The following ZFHX3 variants were observed in gnomAD, a reference collection of about 807,000 sequenced individuals.
ZFHX3 encodes the protein zinc finger homeobox protein 3.
Under a neutral mutation model 279.1 loss-of-function variants are expected in ZFHX3, and 42 were observed. The ratio of observed to expected loss-of-function variants is 0.15; its 90% CI spans 0.12 to 0.19. ZFHX3 has a LOEUF of 0.19. Among genes scored for constraint, ZFHX3 ranks in the 10% least tolerant of loss-of-function variants. The pLI is 1.00. For missense variants in ZFHX3, 4,981 were observed against 4,754.0 expected, an observed-to-expected ratio of 1.05 and a Z score of -1.40; for synonymous variants, 2,293 against 1,957.8, an observed-to-expected ratio of 1.17 and a Z score of -4.52.
intron 1 of ZFHX3, among the ~76,000 whole-genome samples, chr16:73,730,352 CAAAAAA>C (rs66477968): frequency 3.3e-3 from 267 of 81,154 alleles, no homozygotes; most frequent in African/African-American, 9.6e-3. Context: ...CCTCCCCTCG[CAAAAAA>C]AAAAAAAAAA....
At chr16:73,605,707 G>C (rs550605621) in intron 2 of ZFHX3, among the ~76,000 whole-genome samples, 2 of 152,108 alleles carry the variant, frequency 1.3e-5, no homozygotes, top group South Asian at 4.2e-4. Flanking sequence ...GGGGGCTGGA[G>C]AGAAAGAATG....
At chr16:72,946,592 G>GC (rs375470576) in intron 3 of ZFHX3, among the ~76,000 whole-genome samples, 96 of 152,322 alleles carry the variant, frequency 6.3e-4, no homozygotes, top group Admixed American at 9.8e-4. Flanking sequence ...CGGGTAGAAA[G>GC]CAGCACACAT....
chr16:73,748,575 A>G (rs1406058421), intron 1 of ZFHX3, among the ~76,000 whole-genome samples: 1 of 152,134 alleles, frequency 6.6e-6, no homozygotes, highest in Non-Finnish European at 1.5e-5. Flanking sequence ...TCTGTTCAGT[A>G]TATTCTTCCC....
intron 1 of ZFHX3, among the ~76,000 whole-genome samples, chr16:73,819,605 G>A (rs1367594317): frequency 6.6e-6 from 1 of 152,002 alleles, no homozygotes; most frequent in Non-Finnish European, 1.5e-5. Flanking sequence ...CACTATGAAG[G>A]GAAGGATCAA....
At chr16:73,881,554 T>C (rs2030166136) in intron 1 of ZFHX3, among the ~76,000 whole-genome samples, 2 of 143,078 alleles carry the variant, frequency 1.4e-5, no homozygotes, top group African/African-American at 2.6e-5. Flanking sequence ...AAAGTGTCTA[T>C]AGCTTCACTG....
At chr16:73,344,957 G>T (rs373444160) in intron 3 of ZFHX3, among the ~76,000 whole-genome samples, 38 of 152,290 alleles carry the variant, frequency 2.5e-4, no homozygotes, top group African/African-American at 8.7e-4. Context: ...AATCTGGGGA[G>T]CTGCAGAGAG....
intron 1 of ZFHX3, among the ~76,000 whole-genome samples, chr16:73,044,281 C>T (rs755845161): frequency 7.9e-5 from 12 of 152,166 alleles, no homozygotes; most frequent in Non-Finnish European, 1.8e-4. Context: ...AATCTGCCTT[C>T]CTGTTGTGTT....
At chr16:73,301,459 C>G (rs1337620916) in intron 4 of ZFHX3, among the ~76,000 whole-genome samples, 1 of 152,166 alleles carries the variant, frequency 6.6e-6, no homozygotes, top group Non-Finnish European at 1.5e-5. Flanking sequence ...TGTAGGATTT[C>G]TAGCAGCAAC....
At position 72,829,584 on chromosome 16, in the gene ZFHX3, A is replaced by G. The variant is rs528215800; in HGVS notation, c.3529+195T>C. ...ACCATTAAAAACTACAGTATAATGT[A>G]GTATAATAAAGAAGAATAAAGGTGA... is the stretch of plus-strand genomic sequence containing the variant. On this transcript the variant is annotated intron_variant, in intron 5 of 9. Coordinates refer to ENST00000268489, the MANE Select transcript of ZFHX3 (RefSeq NM_006885.4). 30 of 602,224 alleles carry G rather than the reference A, an allele frequency of 5.0e-5. No homozygotes were observed. In the East Asian group the frequency reaches 5.5e-4, roughly 11 times the overall value. 37.3% of individuals were successfully genotyped at this position (602,224 alleles called of 1,614,324 possible). A position where few individuals can be genotyped will look rare whatever the true frequency, so the allele number is the denominator to read the frequency against.
chr16:73,830,903 G>A (rs1434733341), intron 1 of ZFHX3, among the ~76,000 whole-genome samples: 1 of 152,162 alleles, frequency 6.6e-6, no homozygotes, highest in Non-Finnish European at 1.5e-5. Flanking sequence ...TCACAGACAA[G>A]ACAGCAAACT....
At chr16:73,770,338 T>C (rs1377657045) in intron 1 of ZFHX3, among the ~76,000 whole-genome samples, 1 of 152,186 alleles carries the variant, frequency 6.6e-6, no homozygotes, top group African/African-American at 2.4e-5. Context: ...AAGACACAGA[T>C]TCTCCCACAG....
At chr16:73,322,671 T>C (rs1317696683) in intron 3 of ZFHX3, among the ~76,000 whole-genome samples, 1 of 152,188 alleles carries the variant, frequency 6.6e-6, no homozygotes, top group Non-Finnish European at 1.5e-5. Flanking sequence ...TGCTGGGTGA[T>C]CTAACTAGGA....
At chr16:72,866,962 T>C (rs1263970202) in intron 4 of ZFHX3, among the ~76,000 whole-genome samples, 1 of 152,256 alleles carries the variant, frequency 6.6e-6, no homozygotes, top group African/African-American at 2.4e-5. Context: ...CTCTGGAAGT[T>C]CTGCAAAATA....
intron 2 of ZFHX3, among the ~76,000 whole-genome samples, chr16:73,530,793 C>T (rs887511184): frequency 1.4e-4 from 21 of 152,182 alleles, no homozygotes; most frequent in Admixed American, 1.0e-3. Flanking sequence ...CTTTATATTA[C>T]AATCTTTATG....
At chr16:72,934,088 G>A (rs1045641859) in intron 3 of ZFHX3, among the ~76,000 whole-genome samples, 2 of 152,220 alleles carry the variant, frequency 1.3e-5, no homozygotes, top group South Asian at 4.1e-4. Flanking sequence ...AAAGTGCTAG[G>A]ATTACAGAGG....
At chr16:73,410,933 C>T (rs1488284345) in intron 3 of ZFHX3, among the ~76,000 whole-genome samples, 1 of 152,190 alleles carries the variant, frequency 6.6e-6, no homozygotes, top group South Asian at 2.1e-4. Flanking sequence ...AGAACTACAG[C>T]CCAGCACCGA....
chr16:73,836,597 G>A (rs1789966957), intron 1 of ZFHX3, among the ~76,000 whole-genome samples: 1 of 152,186 alleles, frequency 6.6e-6, no homozygotes, highest in Admixed American at 6.5e-5. Context: ...CTACTCCAAA[G>A]AGACTGGCTT....
chr16:73,376,129 C>A (rs2016718827), intron 3 of ZFHX3, among the ~76,000 whole-genome samples: 1 of 152,134 alleles, frequency 6.6e-6, no homozygotes, highest in South Asian at 2.1e-4. Flanking sequence ...TAAGTTATAG[C>A]TTACTCTTTT....
chr16:73,634,313 A>G (rs923936800), intron 2 of ZFHX3, among the ~76,000 whole-genome samples: 2 of 151,694 alleles, frequency 1.3e-5, no homozygotes, highest in African/African-American at 4.8e-5. Context: ...GTTTTCACAT[A>G]TAAGTCGATG....
Sources: allele counts gnomAD v4.1 joint callset (sites outside exome capture counted in the v4.1 genomes callset), GRCh38; gene constraint gnomAD v4.1.1; transcripts MANE v1.5; gene names NCBI Gene and HGNC (gene_info 2026-07-23, HGNC 2026-07-21).